SEC14L1: variants seen among roughly 807,000 people sequenced by gnomAD.
SEC14L1 encodes the protein SEC14 like lipid binding 1, also known as SEC14-like protein 1.
A neutral mutation model predicts 85.3 loss-of-function variants in SEC14L1; 48 were observed. That is an observed-to-expected ratio of 0.56 (90% CI 0.45 to 0.72). SEC14L1 has a LOEUF of 0.72. Ranked by LOEUF, SEC14L1 falls within the 30% of genes least tolerant of loss-of-function variation. The pLI is 0.00. For synonymous variants in SEC14L1, 391 were observed against 355.5 expected (o/e 1.10, Z -1.12); for missense variants, 682 against 921.4 (o/e 0.74, Z 3.36).
At chr17:77,115,761 G>A (rs962518061) in intron 3 of SEC14L1, among the ~76,000 whole-genome samples, 2 of 152,168 alleles carry the variant, frequency 1.3e-5, no homozygotes, top group African/African-American at 4.8e-5. Context: ...AACAAAATCA[G>A]CACTGAGAGA....
At chr17:77,106,213 G>C (rs1971911181) in intron 3 of SEC14L1, among the ~76,000 whole-genome samples, 1 of 152,090 alleles carries the variant, frequency 6.6e-6, no homozygotes. Context: ...GAGCAGCATA[G>C]TGAGACTGTC....
At chr17:77,090,851 G>C (rs1377636744) in intron 2 of SEC14L1, among the ~76,000 whole-genome samples, 6 of 151,986 alleles carry the variant, frequency 3.9e-5, no homozygotes, top group Non-Finnish European at 8.8e-5. Context: ...AGCTGGGTGT[G>C]GTGACCCATG....
intron 2 of SEC14L1, 32 bp from the exon 3 acceptor site, chr17:77,143,535 G>T: frequency 7.4e-7 from 1 of 1,350,238 alleles, no homozygotes; most frequent in Non-Finnish European, 1.1e-6. Flanking sequence ...TCTGCATTGT[G>T]GTTACTTATC....
Position 77,216,011 on chromosome 17 carries a change from G to C in SEC14L1, c.*1988G>C. On this transcript the variant is annotated 3_prime_UTR_variant, in exon 17 of 17. Coordinates refer to ENST00000436233, the MANE Select transcript of SEC14L1 (RefSeq NM_001143998.2). ...TAGGGCTAGTAGGTAGGGTTCGTAG[G>C]TAGGGTTCGTAGGTAGGGCTAGTAG... is the stretch of plus-strand genomic sequence containing the variant. The C allele has an allele frequency of 8.8e-6, 8 of 909,170 alleles. No individual in the cohort carries two copies. Among genetic ancestry groups the C allele is most frequent in the Non-Finnish European group, 1.0e-5 (8 of 771,780 alleles). 56.3% of individuals were successfully genotyped at this position (909,170 alleles called of 1,614,324 possible).
intron 8 of SEC14L1, 98 bp from the exon 9 acceptor site, chr17:77,200,386 C>G: frequency 1.1e-6 from 1 of 920,828 alleles, no homozygotes; most frequent in Non-Finnish European, 1.7e-6. Flanking sequence ...CCAGGCTGGT[C>G]TTGAACTCCT....
At chr17:77,192,112 A>G (rs1057272926) in intron 5 of SEC14L1, among the ~76,000 whole-genome samples, 7 of 152,194 alleles carry the variant, frequency 4.6e-5, no homozygotes, top group Admixed American at 3.9e-4. Context: ...TTACATTCAT[A>G]TGCCACTTCT....
chr17:77,200,448 T>G (rs777716143), intron 8 of SEC14L1, 36 bp from the exon 9 acceptor site: 2 of 1,586,536 alleles, frequency 1.3e-6, no homozygotes, highest in Non-Finnish European at 1.7e-6. Context: ...TTCACAACTT[T>G]TAACATTGCT....
intron 3 of SEC14L1, among the ~76,000 whole-genome samples, chr17:77,144,495 T>C (rs1419507002): frequency 2.0e-5 from 3 of 152,244 alleles, no homozygotes; most frequent in Non-Finnish European, 4.4e-5. Flanking sequence ...GCAGGTGTTT[T>C]AGCAGCTGGC....
chr17:77,179,152 C>T (rs1483992190), intron 3 of SEC14L1, among the ~76,000 whole-genome samples: 2 of 152,042 alleles, frequency 1.3e-5, no homozygotes, highest in Non-Finnish European at 2.9e-5. Flanking sequence ...ATCTCACAGC[C>T]CTCCCGGTGT....
intron 3 of SEC14L1, among the ~76,000 whole-genome samples, chr17:77,186,752 G>A (rs1975284585): frequency 6.6e-6 from 1 of 152,182 alleles, no homozygotes; most frequent in Admixed American, 6.5e-5. Flanking sequence ...TATTACTTCT[G>A]TTCAGAAGGG....
intron 2 of SEC14L1, among the ~76,000 whole-genome samples, chr17:77,092,897 G>A (rs905352637): frequency 4.8e-5 from 7 of 147,206 alleles, no homozygotes; most frequent in South Asian, 2.1e-4. Context: ...GCGGTGAGCC[G>A]AGATCACGCC....
At chr17:77,208,719 T>TA (rs1192894480) in intron 13 of SEC14L1, among the ~76,000 whole-genome samples, 7 of 152,218 alleles carry the variant, frequency 4.6e-5, no homozygotes, top group African/African-American at 1.7e-4. Context: ...ATTTTCTATG[T>TA]AGTTGCTTCC....
In SEC14L1 at chr17:77,202,936, TAAAA is replaced by T. The variant is rs11349959; in HGVS notation, c.1010-621_1010-618del. The stretch of plus-strand genomic sequence containing the variant: ...TCTCTCTCTAAAAAAAATAAAAAAA[TAAAA>T]AAAAAAAAAAAACAGAGTAGAGCCA... On this transcript the variant is annotated intron_variant, in intron 9 of 16. Coordinates refer to ENST00000436233, the MANE Select transcript of SEC14L1 (RefSeq NM_001143998.2). 7.8e-4 allele frequency among the ~76,000 whole-genome samples: 105 copies of T among 133,966 alleles called. 1 individual carries two copies. Among genetic ancestry groups the T allele is most frequent in the African/African-American group, 2.4e-3 (86 of 36,044 alleles). The allele number at this position is 133,966 out of a possible 152,430, so 87.9% of individuals were successfully genotyped here.
At chr17:77,203,939 C>T (rs1328534524) in intron 10 of SEC14L1, among the ~76,000 whole-genome samples, 1 of 152,074 alleles carries the variant, frequency 6.6e-6, no homozygotes, top group Admixed American at 6.5e-5. Context: ...TGGAATTGCC[C>T]TCTCTTGGGA....
At chr17:77,196,672 G>A (rs1975821743) in intron 8 of SEC14L1, among the ~76,000 whole-genome samples, 1 of 151,866 alleles carries the variant, frequency 6.6e-6, no homozygotes, top group Non-Finnish European at 1.5e-5. Flanking sequence ...CAGGTTTTTG[G>A]TGAAATTTTA....
At chr17:77,183,368 C>T (rs536035183) in intron 3 of SEC14L1, among the ~76,000 whole-genome samples, 1 of 152,240 alleles carries the variant, frequency 6.6e-6, no homozygotes, top group Non-Finnish European at 1.5e-5. Flanking sequence ...TGTGCACATA[C>T]ATTTTGTAGA....
At chr17:77,091,120 C>T (rs955284216) in intron 2 of SEC14L1, among the ~76,000 whole-genome samples, 6 of 152,140 alleles carry the variant, frequency 3.9e-5, no homozygotes, top group Non-Finnish European at 8.8e-5. Flanking sequence ...ATGGAGCTTG[C>T]TCTGTCTCCC....
intron 3 of SEC14L1, among the ~76,000 whole-genome samples, chr17:77,170,425 G>A (rs1369292205): frequency 1.3e-5 from 2 of 152,084 alleles, no homozygotes; most frequent in Non-Finnish European, 2.9e-5. Context: ...AACTTCTGAC[G>A]AGGACGTAAT....
intron 3 of SEC14L1, among the ~76,000 whole-genome samples, chr17:77,161,431 G>A (rs1404622229): frequency 3.9e-5 from 6 of 152,208 alleles, no homozygotes; most frequent in Non-Finnish European, 5.9e-5. Flanking sequence ...GGGTGGGATG[G>A]AGGTTGCAGT....
Sources: allele counts gnomAD v4.1 joint callset (sites outside exome capture counted in the v4.1 genomes callset), GRCh38; gene constraint gnomAD v4.1.1; transcripts MANE v1.5; gene names NCBI Gene and HGNC (gene_info 2026-07-23, HGNC 2026-07-21).